Variants in LYST observed in about 807,000 individuals in gnomAD.
LYST encodes the protein lysosomal trafficking regulator.
Under a neutral mutation model 413.6 loss-of-function variants are expected in LYST, and 192 were observed. That is an observed-to-expected ratio of 0.46 (90% CI 0.41 to 0.52). The LOEUF is 0.52. LYST is among the 20% of genes least tolerant of loss of function. The pLI, the probability that LYST is intolerant of heterozygous loss-of-function variation, is 0.00. For missense variants in LYST, 3,815 were observed against 4,499.9 expected (o/e 0.85, Z 4.35); for synonymous variants, 1,525 against 1,567.3 (o/e 0.97, Z 0.64).
At position 235,866,885 on chromosome 1, in the gene LYST, C is replaced by G. The variant is rs544018977; in HGVS notation, c.-140G>C. On this transcript the variant is annotated 5_prime_UTR_variant, in exon 1 of 53. Transcript: ENST00000389793. ...CGGCCGCCGCGCACTCCCCCTCTCC[C>G]GGAGAACCCCGAGCCGACGCCGCTG... 659 of 153,846 alleles carry G rather than the reference C, an allele frequency of 4.3e-3. 9 individuals carry two copies. Among genetic ancestry groups the G allele is most frequent in the Middle Eastern group, 0.024 (7 of 296 alleles). The allele number at this position is 153,846 out of a possible 1,614,324, so 9.5% of individuals were successfully genotyped here.
chr1:235,796,901 G>A (rs1671606850), intron 10 of LYST, among the ~76,000 whole-genome samples: 1 of 151,976 alleles, frequency 6.6e-6, no homozygotes, highest in Non-Finnish European at 1.5e-5. Context: ...AGCCTTCAGG[G>A]GAATACAAAT....
At chr1:235,864,342 C>G (rs1235782677) in intron 1 of LYST, among the ~76,000 whole-genome samples, 1 of 152,046 alleles carries the variant, frequency 6.6e-6, no homozygotes, top group African/African-American at 2.4e-5. Context: ...CAACTCCCAC[C>G]CTTCTCCCCA....
intron 21 of LYST, among the ~76,000 whole-genome samples, chr1:235,764,750 G>T (rs1466191899): frequency 6.6e-6 from 1 of 151,624 alleles, no homozygotes; most frequent in Non-Finnish European, 1.5e-5. Context: ...TAATCTGCCT[G>T]CCCCGGCTTC....
intron 42 of LYST, among the ~76,000 whole-genome samples, chr1:235,714,988 T>G (rs1167121783): frequency 6.6e-6 from 1 of 152,238 alleles, no homozygotes; most frequent in East Asian, 1.9e-4. Context: ...CTTAGACATT[T>G]AATTTGAAGC....
Position 235,781,071 on chromosome 1 carries a change from A to G in LYST, c.5024-16T>C, listed in dbSNP as rs1156605603. On this transcript the variant is annotated splice_polypyrimidine_tract_variant and intron_variant, in intron 15 of 52. Coordinates refer to ENST00000389793, the MANE Select transcript of LYST (RefSeq NM_000081.4). The stretch of plus-strand genomic sequence containing the variant: ...ACCTTAGCTCCTGAATAGCAGAAAA[A>G]TAAAGTTAGTTATTTAAAACACCCT... The G allele has an allele frequency of 3.2e-6, 5 of 1,570,194 alleles. No homozygotes were observed. The highest frequency in any genetic ancestry group is 4.4e-6 in the Non-Finnish European group (5 of 1,142,210).
chr1:235,704,452 C>G (rs1224357818), intron 44 of LYST, among the ~76,000 whole-genome samples: 1 of 152,160 alleles, frequency 6.6e-6, no homozygotes, highest in Non-Finnish European at 1.5e-5. Context: ...ACCATTCTGA[C>G]TGGTGGGAGA....
At chr1:235,699,760 T>G (rs901075799) in intron 45 of LYST, among the ~76,000 whole-genome samples, 1 of 152,214 alleles carries the variant, frequency 6.6e-6, no homozygotes, top group African/African-American at 2.4e-5. Context: ...GACTTTTTAA[T>G]AATCGCCATT....
At position 235,755,497 on chromosome 1, in the gene LYST, G is replaced by A. The variant is rs1331955499; in HGVS notation, c.7210C>T (p.His2404Tyr). 5 of 1,613,684 alleles carry A rather than the reference G, an allele frequency of 3.1e-6. No homozygotes were observed. The South Asian group carries it at 4.4e-5, about 14-fold the overall frequency. Residue 2404 changes from histidine (H) to tyrosine (Y), a missense_variant, in exon 25 of 53, where the codon CAT (histidine) becomes TAT (tyrosine). By Grantham distance (83) the His-to-Tyr change is moderately conservative. This residue lies in a region of LYST where 771 missense variants were observed against 837.1 expected (regional missense o/e 0.92). Transcript: ENST00000389793. The part of the protein sequence containing the change: ...ECFIEMFFGR[H>Y]IGLDEEFDLE... ...ACTTACTCTTCATCAAGGCCAATAT[G>A]TCGACCAAAGAACATTTCGATGAAG...
chr1:235,712,832 T>C (rs907757499), intron 42 of LYST: 1 of 984,974 alleles, frequency 1.0e-6, no homozygotes, highest in Non-Finnish European at 1.2e-6. Flanking sequence ...GGGTAGACTA[T>C]TAATAATAAA....
chr1:235,737,276 T>C (rs1174285400), intron 31 of LYST: 1 of 152,218 alleles, frequency 6.6e-6, no homozygotes, highest in East Asian at 1.9e-4. Context: ...ACAAGGCAAA[T>C]AAGTGATTAT....
Position 235,809,563 on chromosome 1 carries a change from C to G in LYST, c.1255G>C (p.Ala419Pro). The part of the protein sequence containing the change: ...LQILICCLQS[A>P]ASNPFYFSQA... Reference sequence around the variant, plus strand: ...CTGAAGTAGAAGGGATTTGAAGCTGCACTTTGAAGACAACAGATCAGAATC... The same window carrying G: ...CTGAAGTAGAAGGGATTTGAAGCTGGACTTTGAAGACAACAGATCAGAATC... Residue 419 changes from alanine (A) to proline (P), a missense_variant, in exon 5 of 53, where the codon GCA (alanine) becomes CCA (proline). This residue lies in a region of LYST where 1,648 missense variants were observed against 1,810.3 expected (regional missense o/e 0.91). Coordinates refer to ENST00000389793, the MANE Select transcript of LYST (RefSeq NM_000081.4). The surrounding 1 kb of genome is among the most constrained non-coding windows in gnomAD (Gnocchi z 4.0). 1 of 1,614,012 alleles carries G rather than the reference C, an allele frequency of 6.2e-7. No homozygotes were observed. The highest frequency in any genetic ancestry group is 8.5e-7 in the Non-Finnish European group (1 of 1,179,960).
At chr1:235,726,173 A>C (rs542169564) in intron 38 of LYST, among the ~76,000 whole-genome samples, 14 of 152,252 alleles carry the variant, frequency 9.2e-5, no homozygotes, top group African/African-American at 3.4e-4. Flanking sequence ...TGTGTTGACT[A>C]ACAGGAAGCT....
intron 50 of LYST, among the ~76,000 whole-genome samples, chr1:235,672,608 A>G (rs1366489555): frequency 2.6e-5 from 4 of 152,180 alleles, no homozygotes; most frequent in African/African-American, 4.8e-5. Flanking sequence ...TCAAATCATG[A>G]TATTTTAGTT....
chr1:235,727,934 T>C, intron 38 of LYST, 142 bp downstream of exon 38: 1 of 638,242 alleles, frequency 1.6e-6, no homozygotes, highest in Non-Finnish European at 2.8e-6. Context: ...TTTAAAAAAA[T>C]GTTTGGAACT....
At chr1:235,752,720 C>T (rs1049867491) in intron 26 of LYST, among the ~76,000 whole-genome samples, 8 of 152,014 alleles carry the variant, frequency 5.3e-5, no homozygotes, top group African/African-American at 9.7e-5. Context: ...GGTCTTCAAT[C>T]TTAATCTTGA....
intron 26 of LYST, 60 bp downstream of exon 26, chr1:235,752,984 A>G (rs1285664703): frequency 2.1e-6 from 2 of 934,284 alleles, no homozygotes; most frequent in Non-Finnish European, 3.4e-6. Context: ...ACTAATACTA[A>G]AGTTTTCCTG....
intron 20 of LYST, 79 bp downstream of exon 20, chr1:235,770,081 G>A: frequency 7.4e-7 from 1 of 1,354,512 alleles, no homozygotes; most frequent in Non-Finnish European, 1.0e-6. Flanking sequence ...CATTGAAAGT[G>A]CCACAAAAAT....
Position 235,812,955 on chromosome 1 carries a change from A to T in LYST, c.283+16T>A, listed in dbSNP as rs767527570. ...TTTTGATAACACAAGTGATATGATA[A>T]AGGGAAAAAGCATACCTGTTGCCTT... is the stretch of plus-strand genomic sequence containing the variant. On this transcript the variant is annotated intron_variant, in intron 4 of 52. Transcript: ENST00000389793. 6.5e-7 allele frequency: 1 copy of T among 1,534,774 alleles called. No individual in the cohort carries two copies. Among genetic ancestry groups the T allele is most frequent in the Non-Finnish European group, 9.0e-7 (1 of 1,108,274 alleles).
intron 1 of LYST, among the ~76,000 whole-genome samples, chr1:235,835,110 T>G (rs952587256): frequency 5.6e-5 from 8 of 143,060 alleles, no homozygotes; most frequent in African/African-American, 1.9e-4. Flanking sequence ...TGGGGGGGGG[T>G]TTCGCCACAT....
Sources: allele counts gnomAD v4.1 joint callset (sites outside exome capture counted in the v4.1 genomes callset), GRCh38; gene constraint gnomAD v4.1.1; regional missense constraint gnomAD v4.1.1; non-coding constraint Gnocchi (gnomAD v3.1); transcripts MANE v1.5; gene names NCBI Gene and HGNC (gene_info 2026-07-23, HGNC 2026-07-21).